PTPRN2: variants seen among roughly 807,000 people sequenced by gnomAD.
PTPRN2 encodes the protein receptor-type tyrosine-protein phosphatase N2.
Under a neutral mutation model 118.8 loss-of-function variants are expected in PTPRN2, and 74 were observed. The ratio of observed to expected loss-of-function variants is 0.62; its 90% CI spans 0.52 to 0.76. PTPRN2 has a LOEUF of 0.76. PTPRN2 is among the 30% of genes least tolerant of loss of function. PTPRN2 has a pLI of 0.00. For missense variants in PTPRN2, 1,481 were observed against 1,394.4 expected (o/e 1.06, Z -0.99); for synonymous variants, 641 against 608.0 (o/e 1.05, Z -0.80).
chr7:157,653,442 C>T (rs2906929), intron 14 of PTPRN2, among the ~76,000 whole-genome samples: 86,522 of 151,922 alleles, frequency 0.57, 25,043 homozygotes, highest in East Asian at 0.7. Context: ...GGAAGGTCGG[C>T]GACTCTGATG....
intron 12 of PTPRN2, chr7:157,854,534 G>A (rs1319573299): frequency 6.6e-6 from 1 of 152,362 alleles, no homozygotes; most frequent in Non-Finnish European, 1.5e-5. Flanking sequence ...TATGAAGACG[G>A]AAGCAGCAGC....
intron 2 of PTPRN2, among the ~76,000 whole-genome samples, chr7:158,326,976 T>G (rs12698213): frequency 8.6e-5 from 13 of 150,588 alleles, no homozygotes; most frequent in African/African-American, 2.9e-4. Flanking sequence ...CACATTCACA[T>G]GCACATACAC....
At chr7:158,392,839 TG>T (rs1384194298) in intron 2 of PTPRN2, among the ~76,000 whole-genome samples, 1 of 152,156 alleles carries the variant, frequency 6.6e-6, no homozygotes, top group Non-Finnish European at 1.5e-5. Context: ...TCATCGGACC[TG>T]CAGGTATGTC....
intron 19 of PTPRN2, among the ~76,000 whole-genome samples, chr7:157,575,877 C>T (rs1011880116): frequency 2.6e-5 from 4 of 152,202 alleles, no homozygotes; most frequent in African/African-American, 9.7e-5. Flanking sequence ...AGAGCTTCGT[C>T]ACTGATGCTT....
chr7:158,186,543 C>A (rs1307940813), intron 5 of PTPRN2, among the ~76,000 whole-genome samples: 1 of 151,294 alleles, frequency 6.6e-6, no homozygotes, highest in Non-Finnish European at 1.5e-5. Flanking sequence ...CCTGGGCTCA[C>A]CTGCCCCCTC....
chr7:158,054,785 G>C (rs1284719528), intron 11 of PTPRN2, among the ~76,000 whole-genome samples: 1 of 152,262 alleles, frequency 6.6e-6, no homozygotes, highest in African/African-American at 2.4e-5. Context: ...CATGATTGCA[G>C]CTGATGTGCC....
rs142652911 is a variant in PTPRN2, at chr7:158,124,540, A to G, written c.1556+9137T>C. ...ATTACAAATTAATAGGCCATGGCCAATGGTTTGGCCAGATGCTCAGAGTCT... is the reference window on the plus strand; with the variant it reads ...ATTACAAATTAATAGGCCATGGCCAGTGGTTTGGCCAGATGCTCAGAGTCT... On this transcript the variant is annotated intron_variant, in intron 9 of 22. Transcript: ENST00000389418. 4.6e-3 allele frequency among the ~76,000 whole-genome samples: 702 copies of G among 152,388 alleles called. 10 individuals are homozygous for G. Among genetic ancestry groups the G allele is most frequent in the African/African-American group, 0.016 (670 of 41,594 alleles).
chr7:158,502,578 G>A (rs1822445102), intron 1 of PTPRN2, among the ~76,000 whole-genome samples: 1 of 152,212 alleles, frequency 6.6e-6, no homozygotes, highest in South Asian at 2.1e-4. Context: ...CGAGTCCCCT[G>A]GAGCACGGAA....
At chr7:158,422,390 T>A (rs1815327396) in intron 2 of PTPRN2, among the ~76,000 whole-genome samples, 2 of 152,312 alleles carry the variant, frequency 1.3e-5, no homozygotes, top group Admixed American at 1.3e-4. Flanking sequence ...TCCAACACCA[T>A]CTGATTTTCT....
chr7:157,958,242 AT>A (rs1391231470), intron 11 of PTPRN2, among the ~76,000 whole-genome samples: 1 of 152,170 alleles, frequency 6.6e-6, no homozygotes, highest in Non-Finnish European at 1.5e-5. Context: ...GTAACAGAAA[AT>A]CACCTCAACA....
Position 158,445,667 on chromosome 7 carries a change from TC to T in PTPRN2, c.163+44067del, listed in dbSNP as rs559449017. Among the ~76,000 whole-genome samples the T allele has an allele frequency of 1.6e-4, 24 of 152,268 alleles. No individual in the cohort carries two copies. The South Asian group carries it at 5.0e-3, about 32-fold the overall frequency. On this transcript the variant is annotated intron_variant, in intron 2 of 22. Transcript: ENST00000389418. ...CTGAACGCAGACAGCCGCCTGCTGC[TC>T]ATCAAGGGAACAGCTTCCTGCCGCA...
intron 2 of PTPRN2, among the ~76,000 whole-genome samples, chr7:158,387,932 GTC>G (rs1356803884): frequency 2.0e-5 from 3 of 152,158 alleles, no homozygotes; most frequent in Non-Finnish European, 4.4e-5. Flanking sequence ...TTGAAATACT[GTC>G]TCTGTCTGTA....
intron 13 of PTPRN2, among the ~76,000 whole-genome samples, chr7:157,658,895 G>T (rs902272618): frequency 6.6e-6 from 1 of 152,130 alleles, no homozygotes; most frequent in Non-Finnish European, 1.5e-5. Context: ...GTGTCCGGGG[G>T]AGGCCAAGCC....
Position 157,576,602 on chromosome 7 carries a change from G to A in PTPRN2, c.2783+11C>T. On this transcript the variant is annotated intron_variant, in intron 19 of 22. Coordinates refer to ENST00000389418, the MANE Select transcript of PTPRN2 (RefSeq NM_002847.5). ...GCGCGCACTGCCCTGCCGGCGGGCC[G>A]CGCGTCATACCTGCGGAAGTCCAGG... 6.2e-7 allele frequency: 1 copy of A among 1,600,720 alleles called. No homozygotes were observed. The highest frequency in any genetic ancestry group is 1.1e-5 in the South Asian group (1 of 89,388).
chr7:158,341,394 A>G (rs1806746376), intron 2 of PTPRN2, among the ~76,000 whole-genome samples: 2 of 148,438 alleles, frequency 1.3e-5, no homozygotes, highest in Non-Finnish European at 1.5e-5. Context: ...CACTCTCACC[A>G]TAAGAGCTGT....
At chr7:157,698,456 C>T (rs1585259568) in intron 12 of PTPRN2, among the ~76,000 whole-genome samples, 3 of 152,218 alleles carry the variant, frequency 2.0e-5, no homozygotes, top group African/African-American at 7.2e-5. Context: ...CATGAAACCA[C>T]GTGCTTATAA....
At chr7:157,996,587 C>T (rs1442818013) in intron 11 of PTPRN2, among the ~76,000 whole-genome samples, 3 of 152,198 alleles carry the variant, frequency 2.0e-5, no homozygotes, top group Non-Finnish European at 4.4e-5. Context: ...AGGGCCGGTC[C>T]CCCATGCCTG....
rs377451592 is a variant in PTPRN2, at chr7:158,452,441, G to A, written c.163+37294C>T. ...CCAGTGGAGACCATGGACCTGCCGG[G>A]TTCACCGTCGCCAGGCTCCTCAAGG... On this transcript the variant is annotated intron_variant, in intron 2 of 22. Transcript: ENST00000389418. Among the ~76,000 whole-genome samples, 52 of 152,282 alleles carry A rather than the reference G, an allele frequency of 3.4e-4. 2 individuals are homozygous for A. The highest frequency in any genetic ancestry group is 1.1e-3 in the Admixed American group (17 of 15,304).
At chr7:157,820,485 G>A (rs375345367) in intron 12 of PTPRN2, among the ~76,000 whole-genome samples, 6 of 139,768 alleles carry the variant, frequency 4.3e-5, no homozygotes, top group South Asian at 2.4e-4. Flanking sequence ...ACTCATACAC[G>A]CACTCACAGC....
Sources: gnomAD v4.1 joint callset for allele counts (sites outside exome capture counted in the v4.1 genomes callset) on GRCh38, gnomAD v4.1.1 for gene constraint, MANE v1.5 for transcripts, NCBI Gene and HGNC (gene_info 2026-07-23, HGNC 2026-07-21) for gene names.